Variants in SLMAP observed in about 807,000 individuals in gnomAD.
SLMAP encodes sarcolemma associated protein, also known as sarcolemmal membrane-associated protein.
SLMAP carries 44 observed loss-of-function variants against 128.8 expected under a neutral mutation model. That is an observed-to-expected ratio of 0.34 (90% confidence interval 0.27 to 0.44). The LOEUF is 0.44. Among genes scored for constraint, SLMAP ranks in the 20% least tolerant of loss-of-function variants. SLMAP has a pLI of 1.00. For synonymous variants in SLMAP, 327 were observed against 348.8 expected (o/e 0.94, Z 0.70); for missense variants, 787 against 985.3 (o/e 0.80, Z 2.69).
At chr3:57,922,579 C>T (rs1230941526) in intron 22 of SLMAP, among the ~76,000 whole-genome samples, 1 of 152,006 alleles carries the variant, frequency 6.6e-6, no homozygotes, top group Non-Finnish European at 1.5e-5. Context: ...CAGGCATGCA[C>T]CACCACGCCC....
At chr3:57,904,976 G>C (rs535667734) in intron 17 of SLMAP, among the ~76,000 whole-genome samples, 1 of 152,104 alleles carries the variant, frequency 6.6e-6, no homozygotes, top group Non-Finnish European at 1.5e-5. Context: ...CTGAGGAAGG[G>C]GGATAGCTTG....
At chr3:57,817,584 C>T (rs144300804) in intron 2 of SLMAP, among the ~76,000 whole-genome samples, 7 of 152,286 alleles carry the variant, frequency 4.6e-5, no homozygotes, top group South Asian at 4.1e-4. Flanking sequence ...GGAGTCTAAG[C>T]GGCCTTGTTT....
At chr3:57,846,549 G>A (rs1224985545) in intron 4 of SLMAP, among the ~76,000 whole-genome samples, 1 of 150,874 alleles carries the variant, frequency 6.6e-6, no homozygotes, top group Non-Finnish European at 1.5e-5. Context: ...AATTGAAAAT[G>A]GATAATTTTT....
At chr3:57,922,774 T>C in intron 22 of SLMAP, 115 bp from the exon 23 acceptor site, 1 of 943,128 alleles carries the variant, frequency 1.1e-6, no homozygotes, top group South Asian at 1.7e-5. Flanking sequence ...ACAAAAAGAC[T>C]TGACTTTGGT....
chr3:57,809,125 C>T (rs753064322), intron 2 of SLMAP, among the ~76,000 whole-genome samples: 2 of 152,188 alleles, frequency 1.3e-5, no homozygotes, highest in Non-Finnish European at 2.9e-5. Flanking sequence ...GTCTCAGCTG[C>T]ACACCCAGGC....
intron 6 of SLMAP, among the ~76,000 whole-genome samples, chr3:57,855,248 C>T (rs2094712985): frequency 6.6e-6 from 1 of 151,840 alleles, no homozygotes; most frequent in South Asian, 2.1e-4. Flanking sequence ...CATGGTGGCA[C>T]ATGCCTGTAG....
intron 17 of SLMAP, among the ~76,000 whole-genome samples, chr3:57,905,709 GAATT>G (rs1346923030): frequency 1.3e-5 from 2 of 152,114 alleles, no homozygotes; most frequent in African/African-American, 4.8e-5. Context: ...AGTTGTTTCA[GAATT>G]AATAGCCAGT....
At chr3:57,844,491 T>A (rs533609697) in intron 4 of SLMAP, among the ~76,000 whole-genome samples, 4 of 152,278 alleles carry the variant, frequency 2.6e-5, no homozygotes, top group Middle Eastern at 6.8e-3. Context: ...TTCCTTCTTA[T>A]GGTTTGTATA....
chr3:57,869,659 TA>T (rs1553900550), intron 13 of SLMAP, among the ~76,000 whole-genome samples: 30 of 115,384 alleles, frequency 2.6e-4, no homozygotes, highest in East Asian at 6.2e-4. Context: ...TATATATATA[TA>T]ATATATATAA....
At position 57,929,485 on chromosome 3, in the gene SLMAP, A is replaced by G. The variant is rs140082659; in HGVS notation, c.*2196A>G. On this transcript the variant is annotated 3_prime_UTR_variant, in exon 25 of 25. Coordinates refer to ENST00000671191, the MANE Select transcript of SLMAP (RefSeq NM_001377540.1). Reference sequence around the variant, plus strand: ...TAAATGGCTTTTTGTAGTTACTTCCAGTTTTCCTCAAGAATAGAAATAAGT... The same window carrying G: ...TAAATGGCTTTTTGTAGTTACTTCCGGTTTTCCTCAAGAATAGAAATAAGT... Among the ~76,000 whole-genome samples the G allele has an allele frequency of 1.2e-3, 178 of 152,302 alleles. 1 individual carries two copies. Among genetic ancestry groups the G allele is most frequent in the African/African-American group, 4.1e-3 (172 of 41,582 alleles).
chr3:57,868,464 G>T (rs965769098), intron 13 of SLMAP, among the ~76,000 whole-genome samples: 2 of 150,358 alleles, frequency 1.3e-5, no homozygotes, highest in Non-Finnish European at 3.0e-5. Flanking sequence ...GGTGGCATGT[G>T]CCTGTAATCC....
chr3:57,869,240 G>A (rs1305742507), intron 13 of SLMAP, among the ~76,000 whole-genome samples: 2 of 150,740 alleles, frequency 1.3e-5, no homozygotes, highest in African/African-American at 2.4e-5. Flanking sequence ...GGCTAGGCCA[G>A]TCTCTCTTTT....
At chr3:57,771,846 T>G in intron 2 of SLMAP, among the ~76,000 whole-genome samples, 1 of 152,252 alleles carries the variant, frequency 6.6e-6, no homozygotes, top group Admixed American at 6.5e-5. Context: ...TGTTATCCAC[T>G]TCTACTAAGT....
At chr3:57,859,532 G>T (rs2094950588) in intron 8 of SLMAP, among the ~76,000 whole-genome samples, 1 of 152,074 alleles carries the variant, frequency 6.6e-6, no homozygotes, top group Non-Finnish European at 1.5e-5. Flanking sequence ...TCCAGCCTTG[G>T]TGACAAAGAG....
At chr3:57,841,170 A>G in intron 3 of SLMAP, 129 bp from the exon 4 acceptor site, 2 of 534,882 alleles carry the variant, frequency 3.7e-6, no homozygotes, top group South Asian at 6.1e-5. Flanking sequence ...ATGTCATTAA[A>G]CCACTAGCTT....
chr3:57,766,820 A>G (rs1195177582), intron 2 of SLMAP, among the ~76,000 whole-genome samples: 2 of 151,794 alleles, frequency 1.3e-5, no homozygotes, highest in African/African-American at 4.8e-5. Flanking sequence ...CCAATGTGAA[A>G]CCTTCCCTGA....
intron 8 of SLMAP, among the ~76,000 whole-genome samples, chr3:57,859,625 CAT>C (rs2094955470): frequency 6.6e-6 from 1 of 152,068 alleles, no homozygotes; most frequent in African/African-American, 2.4e-5. Context: ...CCAAATACCA[CAT>C]GTTCTCATTT....
At chr3:57,840,789 C>A (rs2093896377) in intron 3 of SLMAP, among the ~76,000 whole-genome samples, 1 of 152,160 alleles carries the variant, frequency 6.6e-6, no homozygotes, top group Middle Eastern at 3.2e-3. Flanking sequence ...ATTGTGGAAG[C>A]AGTTTCACTT....
At chr3:57,819,563 CT>C (rs2092309450) in intron 2 of SLMAP, among the ~76,000 whole-genome samples, 1 of 152,006 alleles carries the variant, frequency 6.6e-6, no homozygotes, top group Admixed American at 6.6e-5. Flanking sequence ...CTTTTAGTTT[CT>C]CTCTCTCCTA....
Sources: gnomAD v4.1 joint callset for allele counts (sites outside exome capture counted in the v4.1 genomes callset) on GRCh38, gnomAD v4.1.1 for gene constraint, MANE v1.5 for transcripts, NCBI Gene and HGNC (gene_info 2026-07-23, HGNC 2026-07-21) for gene names.